Variants in CENPF observed in about 807,000 individuals in gnomAD.
CENPF encodes AH antigen.
CENPF carries 214 observed loss-of-function variants against 307.3 expected under a neutral mutation model. The ratio of observed to expected loss-of-function variants is 0.70; its 90% CI spans 0.62 to 0.78. The LOEUF (loss-of-function observed/expected upper bound fraction) is 0.78, where lower values mean the gene tolerates loss of function less well. Ranked by LOEUF, CENPF falls within the 30% of genes least tolerant of loss-of-function variation. The probability of loss-of-function intolerance (pLI) is 0.00; values close to 1 mark genes in which losing one functional copy is unlikely to be tolerated. For synonymous variants in CENPF, 1,259 were observed against 1,270.6 expected, an observed-to-expected ratio of 0.99 and a Z score of 0.19; for missense variants, 3,401 against 3,483.9, an observed-to-expected ratio of 0.98 and a Z score of 0.60.
At position 214,622,080 on chromosome 1, in the gene CENPF, G is replaced by C; in HGVS notation, c.867G>C (p.Glu289Asp). 1.9e-6 allele frequency: 3 copies of C among 1,612,174 alleles called. No individual in the cohort carries two copies. The highest frequency in any genetic ancestry group is 2.5e-6 in the Non-Finnish European group (3 of 1,179,264). Residue 289 changes from glutamate (E) to aspartate (D), a missense_variant and splice_region_variant, in exon 7 of 20, where the codon GAG (glutamate) becomes GAC (aspartate). Physicochemically the swap from Glu to Asp is conservative, Grantham distance 45. Coordinates refer to ENST00000366955, the MANE Select transcript of CENPF (RefSeq NM_016343.4). ...LLDQLKAQNQ[E>D]LRNKINELEL... ...TGTGATTTTTGTTTGTGGTTCAAGAGCTAAGAAACAAGATTAATGAGTTGG... is the reference window on the plus strand; with the variant it reads ...TGTGATTTTTGTTTGTGGTTCAAGACCTAAGAAACAAGATTAATGAGTTGG...
rs371042522 is a variant in CENPF at position 214,641,364 on chromosome 1, A to G, written c.3026A>G (p.Lys1009Arg). Reference protein sequence around the residue: ...SFANYIDEREKSISELSDQYK... With the variant: ...SFANYIDERERSISELSDQYK... ...GCAAACTATATAGATGAAAGGGAGA[A>G]AAGCATTTCAGAGTTATCTGATCAG... The change falls in exon 12 of 20, where the codon AAA becomes AGA. Residue 1009 changes from lysine to arginine, a missense_variant. Lys to Arg is a conservative substitution (Grantham distance 26, BLOSUM62 2). Coordinates refer to ENST00000366955, the MANE Select transcript of CENPF (RefSeq NM_016343.4). 18 of 1,609,502 alleles carry G rather than the reference A, an allele frequency of 1.1e-5. No homozygotes were observed. Among genetic ancestry groups the G allele is most frequent in the Non-Finnish European group, 1.4e-5 (17 of 1,178,968 alleles).
intron 11 of CENPF, among the ~76,000 whole-genome samples, chr1:214,638,349 A>G (rs1263784224): frequency 6.6e-6 from 1 of 152,178 alleles, no homozygotes; most frequent in Non-Finnish European, 1.5e-5. Context: ...TTACATCCAG[A>G]CAGCTCATCT....
intron 15 of CENPF, among the ~76,000 whole-genome samples, chr1:214,652,381 T>C (rs908577140): frequency 1.3e-5 from 2 of 151,664 alleles, no homozygotes; most frequent in African/African-American, 2.4e-5. Flanking sequence ...AGTAGAATAA[T>C]AGGAGAGCTG....
At chr1:214,623,470 C>T (rs1657571333) in intron 7 of CENPF, among the ~76,000 whole-genome samples, 1 of 152,124 alleles carries the variant, frequency 6.6e-6, no homozygotes, top group Non-Finnish European at 1.5e-5. Context: ...TTCATGGATA[C>T]TGAGGGATGA....
intron 16 of CENPF, chr1:214,653,889 A>T (rs944016968): frequency 2.0e-5 from 3 of 152,242 alleles, no homozygotes; most frequent in African/African-American, 7.2e-5. Flanking sequence ...TTGAAATAGA[A>T]TTAAATGGGT....
At position 214,629,080 on chromosome 1, in the gene CENPF, C is replaced by G; in HGVS notation, c.1103C>G (p.Thr368Arg). 6.2e-7 allele frequency: 1 copy of G among 1,608,690 alleles called. No homozygotes were observed. Among genetic ancestry groups the G allele is most frequent in the Non-Finnish European group, 8.5e-7 (1 of 1,177,548 alleles). ...TTGGAACAAAAACTGAAAAAATTGA[C>G]GGAAGATTTGAGTTGTCAGCGACAA... ...TALEQKLKKL[T>R]EDLSCQRQNA... is the part of the protein sequence containing the mutation. Residue 368 changes from threonine to arginine, a missense_variant, in exon 8 of 20, where the codon ACG becomes AGG. By Grantham distance (71) the Thr-to-Arg change is moderately conservative. Coordinates refer to ENST00000366955, the MANE Select transcript of CENPF (RefSeq NM_016343.4).
Position 214,663,658 on chromosome 1 carries a change from TC to T in CENPF, c.9212del (p.Pro3071GlnfsTer18). On this transcript the variant is annotated frameshift_variant, in exon 20 of 20. Coordinates refer to ENST00000366955, the MANE Select transcript of CENPF (RefSeq NM_016343.4). LOFTEE classifies it low-confidence loss of function (END_TRUNC). ...CTCCGAGAACCCACCACGAAATCCG[TC>T]CCAGTCAATAATCTTCCTGAGAGAA... ...TILREPTTKS[V>X]PVNNLPERSP... 6.2e-7 allele frequency: 1 copy of T among 1,613,554 alleles called. No individual in the cohort carries two copies. The highest frequency in any genetic ancestry group is 1.3e-5 in the African/African-American group (1 of 74,806).
At chr1:214,663,480 A>G (rs1658836826) in intron 19 of CENPF, 111 bp from the exon 20 acceptor site, 1 of 1,034,882 alleles carries the variant, frequency 9.7e-7, no homozygotes, top group East Asian at 2.6e-5. Flanking sequence ...ATTATATATA[A>G]CTCCTAGAGA....
In CENPF at chr1:214,663,626, C is replaced by T. The variant is rs766986756; in HGVS notation, c.9177C>T (p.Gly3059=). 11 of 1,614,148 alleles carry T rather than the reference C, an allele frequency of 6.8e-6. No homozygotes were observed. The South Asian group carries it at 1.2e-4, about 18-fold the overall frequency. The change falls in exon 20 of 20, where the codon GGC becomes GGT. Residue 3059 remains glycine, a synonymous_variant. Transcript: ENST00000366955. Reference sequence around the variant, plus strand: ...CTCAGCGGAGCCCAGTAGATTCAGGCACCATCCTCCGAGAACCCACCACGA... The same window carrying T: ...CTCAGCGGAGCCCAGTAGATTCAGGTACCATCCTCCGAGAACCCACCACGA... ...KVAQRSPVDS[G]TILREPTTKS... is the part of the protein sequence containing the mutation.
chr1:214,650,993 G>A (rs1447132668), intron 14 of CENPF, among the ~76,000 whole-genome samples: 2 of 152,228 alleles, frequency 1.3e-5, no homozygotes, highest in African/African-American at 4.8e-5. Flanking sequence ...ATACTACTTA[G>A]ATGTCGATTG....
chr1:214,641,857 A>T lies in CENPF; in HGVS notation c.3519A>T (p.Pro1173=). ...KHECQNLESE[P]IRNSVKERES... is the part of the protein sequence containing the mutation. Reference sequence around the variant, plus strand: ...AATGTCAAAATCTAGAATCAGAACCAATTAGGAACTCTGTGAAAGAAAGAG... The same window carrying T: ...AATGTCAAAATCTAGAATCAGAACCTATTAGGAACTCTGTGAAAGAAAGAG... The change falls in exon 12 of 20, where the codon CCA becomes CCT. Residue 1173 remains proline (P), a synonymous_variant. Coordinates refer to ENST00000366955, the MANE Select transcript of CENPF (RefSeq NM_016343.4). 1.9e-6 allele frequency: 3 copies of T among 1,608,104 alleles called. No individual in the cohort carries two copies. The highest frequency in any genetic ancestry group is 2.5e-6 in the Non-Finnish European group (3 of 1,178,604).
intron 16 of CENPF, among the ~76,000 whole-genome samples, chr1:214,653,256 A>G (rs935753160): frequency 1.3e-5 from 2 of 152,158 alleles, no homozygotes; most frequent in African/African-American, 4.8e-5. Flanking sequence ...AGATTTGAAG[A>G]TCCAGCCACA....
intron 7 of CENPF, among the ~76,000 whole-genome samples, chr1:214,627,666 G>A (rs1286114632): frequency 6.6e-6 from 1 of 151,844 alleles, no homozygotes; most frequent in East Asian, 1.9e-4. Context: ...GTGAGCCACT[G>A]CACCCGGCCC....
chr1:214,661,382 C>T (rs1216711614), intron 19 of CENPF, among the ~76,000 whole-genome samples: 3 of 152,150 alleles, frequency 2.0e-5, no homozygotes, highest in Non-Finnish European at 2.9e-5. Flanking sequence ...ATCTGTTAAG[C>T]GTATTACATC....
At chr1:214,618,036 G>A (rs558853033) in intron 3 of CENPF, among the ~76,000 whole-genome samples, 14 of 152,248 alleles carry the variant, frequency 9.2e-5, no homozygotes, top group Non-Finnish European at 1.3e-4. Context: ...TAGCGGAAGG[G>A]GAAGCAAACA....
At chr1:214,617,375 A>G (rs939232193) in intron 3 of CENPF, among the ~76,000 whole-genome samples, 1 of 152,192 alleles carries the variant, frequency 6.6e-6, no homozygotes, top group African/African-American at 2.4e-5. Context: ...TGTTTTAAGT[A>G]ATATGTCACG....
At chr1:214,660,876 A>T (rs750290275) in intron 19 of CENPF, among the ~76,000 whole-genome samples, 1 of 152,238 alleles carries the variant, frequency 6.6e-6, no homozygotes, top group African/African-American at 2.4e-5. Flanking sequence ...GTTTATGTCT[A>T]TGCAGTGTCT....
intron 1 of CENPF, chr1:214,608,692 G>A (rs1160793474): frequency 1.1e-4 from 176 of 1,594,664 alleles, no homozygotes; most frequent in Non-Finnish European, 1.4e-4. Flanking sequence ...CAAGGGGGCG[G>A]CCCCGGCCCC....
chr1:214,633,347 C>A (rs1401144948), intron 10 of CENPF, among the ~76,000 whole-genome samples: 1 of 152,068 alleles, frequency 6.6e-6, no homozygotes, highest in African/African-American at 2.4e-5. Context: ...TTTTAAAGGG[C>A]TTAATTAAGA....
Sources: allele counts gnomAD v4.1 joint callset (sites outside exome capture counted in the v4.1 genomes callset), GRCh38; gene constraint gnomAD v4.1.1; transcripts MANE v1.5; gene names NCBI Gene and HGNC (gene_info 2026-07-23, HGNC 2026-07-21).